RB1CC1: variants seen among roughly 807,000 people sequenced by gnomAD.
RB1CC1 encodes RB1-inducible coiled-coil protein 1.
Under a neutral mutation model 177.5 loss-of-function variants are expected in RB1CC1, and 46 were observed. That is an observed-to-expected ratio of 0.26 (90% CI 0.20 to 0.33). The LOEUF (loss-of-function observed/expected upper bound fraction) is 0.33, where lower values mean the gene tolerates loss of function less well. Ranked by LOEUF, RB1CC1 falls within the 10% of genes least tolerant of loss-of-function variation. The pLI, the probability that RB1CC1 is intolerant of heterozygous loss-of-function variation, is 1.00. For synonymous variants in RB1CC1, 666 were observed against 613.6 expected, an observed-to-expected ratio of 1.09 and a Z score of -1.26; for missense variants, 1,703 against 1,816.3, an observed-to-expected ratio of 0.94 and a Z score of 1.13.
intron 1 of RB1CC1, among the ~76,000 whole-genome samples, chr8:52,692,032 T>G (rs1363754166): frequency 6.6e-6 from 1 of 152,104 alleles, no homozygotes; most frequent in African/African-American, 2.4e-5. Context: ...ATCATTAGGG[T>G]TTCCATTTGC....
chr8:52,692,694 T>C (rs1160210645), intron 1 of RB1CC1, among the ~76,000 whole-genome samples: 1 of 152,242 alleles, frequency 6.6e-6, no homozygotes, highest in African/African-American at 2.4e-5. Context: ...AAGCATATTC[T>C]ATGACTTGGG....
At chr8:52,637,757 G>C (rs760170510) in intron 18 of RB1CC1, among the ~76,000 whole-genome samples, 2 of 151,996 alleles carry the variant, frequency 1.3e-5, no homozygotes, top group South Asian at 2.1e-4. Flanking sequence ...TGCAACCTCT[G>C]CCTCCCAGGT....
chr8:52,674,270 C>T lies in RB1CC1; in HGVS notation c.577G>A (p.Gly193Arg). Reference sequence around the variant, plus strand: ...TTGGCCATTACTGAAACTGCAGTTCCTAAACTTAAAATACAAAAGATCTGT... The same window carrying T: ...TTGGCCATTACTGAAACTGCAGTTCTTAAACTTAAAATACAAAAGATCTGT... ...EDIKLKLTHL[G>R]TAVSVMAKIP... The change falls in exon 7 of 24, where the codon GGA becomes AGA. Residue 193 changes from glycine to arginine, a missense_variant. Gly to Arg is a moderately radical substitution (Grantham distance 125, BLOSUM62 -2). Coordinates refer to ENST00000025008, the MANE Select transcript of RB1CC1 (RefSeq NM_014781.5). 1 of 1,595,210 alleles carries T rather than the reference C, an allele frequency of 6.3e-7. No individual in the cohort carries two copies. Among genetic ancestry groups the T allele is most frequent in the Non-Finnish European group, 8.6e-7 (1 of 1,163,518 alleles).
chr8:52,691,013 G>A (rs1854803218), intron 1 of RB1CC1, among the ~76,000 whole-genome samples: 2 of 152,102 alleles, frequency 1.3e-5, no homozygotes, highest in South Asian at 4.1e-4. Context: ...ATTTAACACT[G>A]ATGCACTATT....
intron 18 of RB1CC1, among the ~76,000 whole-genome samples, chr8:52,641,384 C>CAAAAAAAAAAAAAAAAAAAAAATAA (rs33912526): frequency 3.1e-5 from 3 of 97,498 alleles, no homozygotes; most frequent in African/African-American, 4.0e-5. Context: ...GACTTCATCT[C>CAAAAAAAAAAAAAAAAAAAAAATAA]AAAAAAAAAA....
At chr8:52,640,584 TTATAG>T (rs1303759202) in intron 18 of RB1CC1, among the ~76,000 whole-genome samples, 2 of 151,310 alleles carry the variant, frequency 1.3e-5, no homozygotes, top group Non-Finnish European at 3.0e-5. Context: ...CTGAATCATA[TTATAG>T]TAAACTTTCT....
rs1372250954 is a variant in RB1CC1, at chr8:52,622,639, T to A, written c.*1143A>T. ...TATTATTGTTCTCTAGCAACAAACC[T>A]CAAACAATTCTCATCCAACTCAACT... On this transcript the variant is annotated 3_prime_UTR_variant, in exon 24 of 24. Transcript: ENST00000025008. The A allele has an allele frequency of 6.6e-6, 1 of 152,066 alleles. No homozygotes were observed. The highest frequency in any genetic ancestry group is 1.5e-5 in the Non-Finnish European group (1 of 67,582). The allele number at this position is 152,066 out of a possible 1,614,324, so 9.4% of individuals were successfully genotyped here.
intron 15 of RB1CC1, among the ~76,000 whole-genome samples, chr8:52,648,971 T>C (rs1238849127): frequency 1.3e-5 from 2 of 152,182 alleles, no homozygotes; most frequent in Non-Finnish European, 2.9e-5. Context: ...GGCTAACAAG[T>C]GACTAATGTG....
chr8:52,652,757 T>A (rs1343545646), intron 15 of RB1CC1, among the ~76,000 whole-genome samples: 1 of 152,060 alleles, frequency 6.6e-6, no homozygotes, highest in Non-Finnish European at 1.5e-5. Flanking sequence ...TATCTGGACC[T>A]TTAAAAAACA....
chr8:52,656,269 A>G lies in RB1CC1; in HGVS notation c.3560T>C (p.Leu1187Ser), dbSNP rs775023084. ...ATCTTTTTGTCTTTCAAGAGCACTC[A>G]ATTCTGAATCCAATTTACTCTGCAG... Reference protein sequence around the residue: ...IELQSKLDSELSALERQKDEK... With the variant: ...IELQSKLDSESSALERQKDEK... The change falls in exon 15 of 24, where the codon TTG (leucine) becomes TCG (serine). Residue 1187 changes from leucine (L) to serine (S), a missense_variant. Leu to Ser is a moderately radical substitution (Grantham distance 145). Transcript: ENST00000025008. The G allele has an allele frequency of 6.2e-7, 1 of 1,613,292 alleles. No individual in the cohort carries two copies. The highest frequency in any genetic ancestry group is 8.5e-7 in the Non-Finnish European group (1 of 1,179,788).
chr8:52,632,830 T>A (rs184680651), intron 20 of RB1CC1, among the ~76,000 whole-genome samples: 1 of 152,248 alleles, frequency 6.6e-6, no homozygotes, highest in East Asian at 1.9e-4. Context: ...AAATTCCTTG[T>A]GGACAAAAAA....
chr8:52,697,779 A>G (rs1855575120), intron 1 of RB1CC1, among the ~76,000 whole-genome samples: 1 of 152,238 alleles, frequency 6.6e-6, no homozygotes, highest in Non-Finnish European at 1.5e-5. Context: ...GTATTATTTT[A>G]ATCACATTCA....
At chr8:52,664,975 T>A (rs1023551722) in intron 8 of RB1CC1, among the ~76,000 whole-genome samples, 13 of 151,984 alleles carry the variant, frequency 8.6e-5, no homozygotes, top group African/African-American at 3.1e-4. Context: ...ACTGAGAGAT[T>A]AAGGGGAGCA....
chr8:52,714,212 C>G lies in RB1CC1; in HGVS notation c.-304G>C, dbSNP rs896493982. 1 of 223,682 alleles carries G rather than the reference C, an allele frequency of 4.5e-6. No homozygotes were observed. The highest frequency in any genetic ancestry group is 6.5e-5 in the Admixed American group (1 of 15,492). 13.9% of individuals were successfully genotyped at this position (223,682 alleles called of 1,614,324 possible). On this transcript the variant is annotated 5_prime_UTR_variant, in exon 1 of 24. Coordinates refer to ENST00000025008, the MANE Select transcript of RB1CC1 (RefSeq NM_014781.5). Reference sequence around the variant, plus strand: ...GCTAAGCCGACACAACCGCCGGCGTCCCGGGCGCCCGCCCGCCGCGGCCCC... The same window carrying G: ...GCTAAGCCGACACAACCGCCGGCGTGCCGGGCGCCCGCCCGCCGCGGCCCC...
intron 1 of RB1CC1, among the ~76,000 whole-genome samples, chr8:52,705,949 A>T (rs546280101): frequency 1.1e-4 from 17 of 152,318 alleles, no homozygotes; most frequent in African/African-American, 3.6e-4. Flanking sequence ...AGTATATATT[A>T]TGTGATTCTG....
At chr8:52,670,636 C>T (rs981263743) in intron 7 of RB1CC1, among the ~76,000 whole-genome samples, 5 of 152,128 alleles carry the variant, frequency 3.3e-5, no homozygotes, top group Admixed American at 2.0e-4. Context: ...AATTATTAAT[C>T]GTTAGAAACA....
At chr8:52,699,858 T>TATATATACAC (rs756226534) in intron 1 of RB1CC1, among the ~76,000 whole-genome samples, 5 of 102,786 alleles carry the variant, frequency 4.9e-5, no homozygotes, top group East Asian at 3.8e-4. Context: ...TATATATATA[T>TATATATACAC]ACACACAAAA....
chr8:52,675,229 C>T (rs567446307), intron 6 of RB1CC1, among the ~76,000 whole-genome samples: 47 of 151,920 alleles, frequency 3.1e-4, no homozygotes, highest in African/African-American at 1.0e-3. Context: ...TTTTTAAGGC[C>T]AAAAACTAAT....
intron 8 of RB1CC1, among the ~76,000 whole-genome samples, chr8:52,667,584 T>C (rs2150527061): frequency 6.6e-6 from 1 of 152,326 alleles, no homozygotes; most frequent in Middle Eastern, 3.4e-3. Context: ...AAATCCACTT[T>C]TTCAACAGTT....
Sources: gnomAD v4.1 joint callset for allele counts (sites outside exome capture counted in the v4.1 genomes callset) on GRCh38, gnomAD v4.1.1 for gene constraint, MANE v1.5 for transcripts, NCBI Gene and HGNC (gene_info 2026-07-23, HGNC 2026-07-21) for gene names.